ASIC5: variants seen among roughly 807,000 people sequenced by gnomAD.
ASIC5 encodes bile acid-sensitive ion channel.
In ASIC5, 52 loss-of-function variants were observed where a neutral mutation model predicts 51.2. The observed-to-expected ratio is 1.02, with a 90% CI of 0.81 to 1.28. The LOEUF (loss-of-function observed/expected upper bound fraction) is 1.28, where lower values mean the gene tolerates loss of function less well. Ranked by LOEUF, ASIC5 falls within the 50% of genes most tolerant of loss-of-function variation. The pLI, the probability that ASIC5 is intolerant of heterozygous loss-of-function variation, is 0.00. For synonymous variants in ASIC5, 231 were observed against 200.7 expected (o/e 1.15, Z -1.28); for missense variants, 635 against 595.0 (o/e 1.07, Z -0.70).
At chr4:155,838,958 A>G (rs1741055947) in intron 6 of ASIC5, 89 bp from the exon 7 acceptor site, 4 of 671,762 alleles carry the variant, frequency 6.0e-6, no homozygotes, top group Non-Finnish European at 7.7e-6. Context: ...ACCTACATCT[A>G]TCCATCCATT....
chr4:155,840,397 T>G (rs1481122482), intron 6 of ASIC5, among the ~76,000 whole-genome samples: 3 of 148,490 alleles, frequency 2.0e-5, no homozygotes, highest in Middle Eastern at 3.6e-3. Flanking sequence ...TTTGCAAAAT[T>G]TATATCTTTT....
Position 155,836,693 on chromosome 4 carries a change from T to C in ASIC5, c.1231A>G (p.Ile411Val), listed in dbSNP as rs778402600. The C allele has an allele frequency of 1.0e-5, 16 of 1,601,504 alleles. No homozygotes were observed. The East Asian group carries it at 3.1e-4, about 31-fold the overall frequency. ...SKKLNQSRKY[I>V]RENLVKIEIN... ...TTAAAAGGCTAGTAAGGTTACCTGATGTATTTCCGGCTTTGATTCAACTTC... is the reference window on the plus strand; with the variant it reads ...TTAAAAGGCTAGTAAGGTTACCTGACGTATTTCCGGCTTTGATTCAACTTC... The change falls in exon 8 of 10, where the codon ATC (isoleucine) becomes GTC (valine). Residue 411 changes from isoleucine (I) to valine (V), a missense_variant. Coordinates refer to ENST00000537611, the MANE Select transcript of ASIC5 (RefSeq NM_017419.3).
intron 4 of ASIC5, among the ~76,000 whole-genome samples, chr4:155,845,073 G>A (rs1157055526): frequency 1.3e-5 from 2 of 151,814 alleles, no homozygotes; most frequent in African/African-American, 4.8e-5. Context: ...CTCTGAAGTG[G>A]AAAGAAAACA....
chr4:155,831,591 G>A (rs1227488747), intron 9 of ASIC5, among the ~76,000 whole-genome samples: 1 of 152,126 alleles, frequency 6.6e-6, no homozygotes, highest in Non-Finnish European at 1.5e-5. Flanking sequence ...CCAACACGGT[G>A]AAACCCCGTC....
rs557680043 is a variant in ASIC5 at position 155,840,465 on chromosome 4, A to G, written c.1010-1596T>C. Among the ~76,000 whole-genome samples the G allele has an allele frequency of 3.9e-3, 573 of 147,148 alleles. 4 individuals are homozygous for G. Among genetic ancestry groups the G allele is most frequent in the African/African-American group, 0.013 (548 of 40,752 alleles). On this transcript the variant is annotated intron_variant, in intron 6 of 9. Coordinates refer to ENST00000537611, the MANE Select transcript of ASIC5 (RefSeq NM_017419.3). ...ATAATATATATTTTTTATATTTTAT[A>G]TATATTTTATATTTATACATATTTT...
intron 4 of ASIC5, among the ~76,000 whole-genome samples, chr4:155,845,887 G>T (rs576543572): frequency 2.0e-5 from 3 of 152,044 alleles, no homozygotes; most frequent in African/African-American, 7.2e-5. Flanking sequence ...ACTGCCTAGG[G>T]TTGTAAAACA....
chr4:155,846,686 T>A (rs1223239032), intron 4 of ASIC5, among the ~76,000 whole-genome samples: 1 of 152,084 alleles, frequency 6.6e-6, no homozygotes, highest in African/African-American at 2.4e-5. Context: ...TATCGTAGTT[T>A]TCCTAAATAA....
At chr4:155,838,146 A>G (rs992883584) in intron 7 of ASIC5, among the ~76,000 whole-genome samples, 8 of 152,234 alleles carry the variant, frequency 5.3e-5, no homozygotes, top group African/African-American at 9.6e-5. Flanking sequence ...ACAATGGGTT[A>G]GAAAAGCAAG....
intron 1 of ASIC5, chr4:155,864,748 C>T (rs964587270): frequency 2.0e-5 from 3 of 152,072 alleles, no homozygotes; most frequent in African/African-American, 7.2e-5. Flanking sequence ...AGCACATTAT[C>T]TAGATCATAA....
At chr4:155,839,461 A>G (rs1560742382) in intron 6 of ASIC5, among the ~76,000 whole-genome samples, 2 of 152,082 alleles carry the variant, frequency 1.3e-5, no homozygotes, top group African/African-American at 2.4e-5. Context: ...AGTACCCACT[A>G]TAGATTGTGA....
chr4:155,852,469 T>G (rs1376451778), intron 3 of ASIC5, among the ~76,000 whole-genome samples, 153 bp from the exon 4 acceptor site: 1 of 52,148 alleles, frequency 1.9e-5, no homozygotes, highest in Non-Finnish European at 4.2e-5. Context: ...TATTCAGTGA[T>G]AGTTTTTTTT....
chr4:155,863,415 G>A (rs369720139), intron 2 of ASIC5, 33 bp downstream of exon 2: 536 of 1,503,252 alleles, frequency 3.6e-4, no homozygotes, highest in Non-Finnish European at 4.6e-4. Context: ...CAAATTTATA[G>A]GAACTAATTA....
intron 2 of ASIC5, chr4:155,859,031 T>C (rs1741622595): frequency 6.6e-6 from 1 of 151,984 alleles, no homozygotes; most frequent in Admixed American, 6.6e-5. Context: ...GCAGGAGATT[T>C]TCTGTGAGAA....
intron 6 of ASIC5, among the ~76,000 whole-genome samples, chr4:155,839,284 A>T (rs1383353329): frequency 1.3e-5 from 2 of 151,788 alleles, no homozygotes; most frequent in Non-Finnish European, 2.9e-5. Context: ...CTTGCTCAAG[A>T]CCACACAGTT....
intron 2 of ASIC5, among the ~76,000 whole-genome samples, chr4:155,855,548 C>T (rs1250584794): frequency 4.6e-5 from 7 of 151,844 alleles, no homozygotes; most frequent in African/African-American, 1.7e-4. Context: ...AACAAATGTT[C>T]TCTCTTTAAA....
At chr4:155,836,625 G>C in intron 8 of ASIC5, 64 bp downstream of exon 8, 1 of 971,446 alleles carries the variant, frequency 1.0e-6, no homozygotes, top group South Asian at 1.9e-5. Context: ...GTCTTTGAGG[G>C]TTTTCAATAA....
intron 7 of ASIC5, 121 bp from the exon 8 acceptor site, chr4:155,836,978 A>G (rs936345109): frequency 1.5e-6 from 1 of 682,058 alleles, no homozygotes; most frequent in Non-Finnish European, 2.3e-6. Flanking sequence ...CCAACAACAA[A>G]TGGTGTTTAC....
At chr4:155,842,114 A>G in intron 6 of ASIC5, 93 bp downstream of exon 6, 1 of 1,195,778 alleles carries the variant, frequency 8.4e-7, no homozygotes. Context: ...TTCCATTTGT[A>G]TTTCAATACT....
intron 4 of ASIC5, among the ~76,000 whole-genome samples, chr4:155,848,307 C>A (rs1741302345): frequency 6.6e-6 from 1 of 151,844 alleles, no homozygotes; most frequent in Admixed American, 6.6e-5. Flanking sequence ...ATGTCTTTTT[C>A]TGACCTAATT....
Sources: allele counts gnomAD v4.1 joint callset (sites outside exome capture counted in the v4.1 genomes callset), GRCh38; gene constraint gnomAD v4.1.1; transcripts MANE v1.5; gene names NCBI Gene and HGNC (gene_info 2026-07-23, HGNC 2026-07-21).